Variants in OTOF observed in about 807,000 individuals in gnomAD.
OTOF encodes otoferlin, also known as fer-1-like family member 2.
OTOF carries 218 observed loss-of-function variants against 236.8 expected under a neutral mutation model. The observed-to-expected ratio is 0.92, with a 90% CI of 0.82 to 1.03. The LOEUF (loss-of-function observed/expected upper bound fraction) is 1.03. OTOF is among the 50% of genes least tolerant of loss of function. OTOF has a pLI of 0.00. For missense variants in OTOF, 2,590 were observed against 2,694.4 expected (o/e 0.96, Z 0.86); for synonymous variants, 1,041 against 1,072.5 (o/e 0.97, Z 0.57).
chr2:26,476,096 G>A (rs1321801040), intron 23 of OTOF, 32 bp downstream of exon 23: 5 of 1,611,502 alleles, frequency 3.1e-6, no homozygotes, highest in Non-Finnish European at 2.5e-6. Flanking sequence ...CCCCCTCCCA[G>A]GTGAGGCTTC....
intron 14 of OTOF, 147 bp downstream of exon 14, chr2:26,482,259 C>A: frequency 1.3e-6 from 1 of 742,054 alleles, no homozygotes; most frequent in Non-Finnish European, 2.3e-6. Flanking sequence ...CCCCCTGAGG[C>A]AGGGGCTGCT....
In OTOF at chr2:26,467,159, G is replaced by GC; in HGVS notation, c.4301dup (p.Lys1435GlnfsTer5). The GC allele has an allele frequency of 6.2e-7, 1 of 1,614,104 alleles. No individual in the cohort carries two copies. Among genetic ancestry groups the GC allele is most frequent in the Non-Finnish European group, 8.5e-7 (1 of 1,180,010 alleles). On this transcript the variant is annotated frameshift_variant, in exon 35 of 47. Transcript: ENST00000272371. LOFTEE classifies it high-confidence loss of function. The stretch of plus-strand genomic sequence containing the variant: ...AGCCATCCTCATCATCCCCGGTCTT[G>GC]CCCCGAAGCAAGTTGAAAGTGTGCA...
At chr2:26,516,645 A>G (rs1398869177) in intron 4 of OTOF, 46 bp from the exon 5 acceptor site, 2 of 1,582,500 alleles carry the variant, frequency 1.3e-6, no homozygotes, top group Admixed American at 1.7e-5. Flanking sequence ...GGTGACAGCA[A>G]TCTCCACCCC....
intron 5 of OTOF, among the ~76,000 whole-genome samples, chr2:26,515,583 TAA>T (rs1666503468): frequency 6.6e-6 from 1 of 152,190 alleles, no homozygotes; most frequent in African/African-American, 2.4e-5. Flanking sequence ...AGGGACTGAG[TAA>T]ACTTTACTTG....
chr2:26,543,835 G>A (rs993004380), intron 1 of OTOF, among the ~76,000 whole-genome samples: 1 of 152,176 alleles, frequency 6.6e-6, no homozygotes, highest in African/African-American at 2.4e-5. Context: ...TCCTGCATTA[G>A]CCTCCTAAGT....
chr2:26,550,244 G>A (rs905450955), intron 1 of OTOF, among the ~76,000 whole-genome samples: 1 of 152,134 alleles, frequency 6.6e-6, no homozygotes, highest in African/African-American at 2.4e-5. Context: ...GACAGAAAGC[G>A]GTCAAGCGGT....
intron 13 of OTOF, 131 bp from the exon 14 acceptor site, chr2:26,482,723 G>A (rs1228980268): frequency 1.4e-6 from 1 of 723,670 alleles, no homozygotes; most frequent in Admixed American, 2.3e-5. Flanking sequence ...GTGCATGCGT[G>A]TGTGAGTGGA....
Position 26,471,112 on chromosome 2 carries a change from C to T in OTOF, c.3894+9G>A, listed in dbSNP as rs1234044347. On this transcript the variant is annotated intron_variant, in intron 31 of 46. Transcript: ENST00000272371. ...CACCCCAGAGCCCCTGCATGGCCCC[C>T]ACACTCACCACATCCACCTTGACAA... is the stretch of plus-strand genomic sequence containing the variant. 1 of 1,614,102 alleles carries T rather than the reference C, an allele frequency of 6.2e-7. No homozygotes were observed. The highest frequency in any genetic ancestry group is 1.7e-5 in the Admixed American group (1 of 60,028).
rs778347252 is a variant in OTOF, at chr2:26,558,492, C to T, written c.79+1G>A. Reference sequence around the variant, plus strand: ...TCCCTCTGAGACAGCGGCTTCCCTACCTCGGAAAGTCACTTTGGCGATCCG... The same window carrying T: ...TCCCTCTGAGACAGCGGCTTCCCTATCTCGGAAAGTCACTTTGGCGATCCG... On this transcript the variant is annotated splice_donor_variant, in intron 1 of 46. Transcript: ENST00000272371. LOFTEE classifies it high-confidence loss of function. 5 of 1,613,620 alleles carry T rather than the reference C, an allele frequency of 3.1e-6. No homozygotes were observed. In the Admixed American group the frequency reaches 6.7e-5, roughly 22 times the overall value.
At chr2:26,504,617 C>A (rs573566394) in intron 5 of OTOF, among the ~76,000 whole-genome samples, 1 of 152,162 alleles carries the variant, frequency 6.6e-6, no homozygotes, top group Non-Finnish European at 1.5e-5. Context: ...TTGCTGCGAC[C>A]TTGTGCCCCC....
Position 26,461,411 on chromosome 2 carries a change from C to T in OTOF, c.5533+285G>A, listed in dbSNP as rs1400801905. Among the ~76,000 whole-genome samples, 1 of 152,200 alleles carries T rather than the reference C, an allele frequency of 6.6e-6. No homozygotes were observed. Among genetic ancestry groups the T allele is most frequent in the South Asian group, 2.1e-4 (1 of 4,830 alleles). ...CAACCTGAGGCCCAGGGAGGTTTCC[C>T]GACTCCCTTAGGGAGCCTCTCCCCT... On this transcript the variant is annotated intron_variant, in intron 43 of 46. Coordinates refer to ENST00000272371, the MANE Select transcript of OTOF (RefSeq NM_194248.3). This position sits in a 1 kb window ranked among gnomAD's most constrained non-coding sequence, Gnocchi z 6.2.
Position 26,479,496 on chromosome 2 carries a change from T to C in OTOF, c.2070A>G (p.Pro690=). The part of the protein sequence containing the change: ...GDLASVSSTP[P]MRPQVTDRNY... ...ACCTGTCGGTGACCTGGGGCCGCATTGGTGGAGTGGAGGAGACTGAGGCCA... is the reference window on the plus strand; with the variant it reads ...ACCTGTCGGTGACCTGGGGCCGCATCGGTGGAGTGGAGGAGACTGAGGCCA... Residue 690 remains proline, a synonymous_variant, in exon 17 of 47, where the codon CCA becomes CCG. Transcript: ENST00000272371. 6.2e-7 allele frequency: 1 copy of C among 1,602,614 alleles called. No homozygotes were observed. Among genetic ancestry groups the C allele is most frequent in the Non-Finnish European group, 8.5e-7 (1 of 1,175,516 alleles).
intron 13 of OTOF, 80 bp from the exon 14 acceptor site, chr2:26,482,672 TG>T (rs1223076444): frequency 1.9e-5 from 24 of 1,234,678 alleles, no homozygotes; most frequent in Non-Finnish European, 2.3e-5. Context: ...AGTGGGCGCA[TG>T]TGTGCGTGAG....
intron 2 of OTOF, 99 bp from the exon 3 acceptor site, chr2:26,528,019 G>T: frequency 3.5e-6 from 3 of 856,588 alleles, no homozygotes; most frequent in South Asian, 2.8e-5. Flanking sequence ...AACAGTCAGA[G>T]TGGCCCCTCA....
chr2:26,458,133 G>T lies in OTOF; in HGVS notation c.*105C>A. 6.2e-7 allele frequency: 1 copy of T among 1,614,160 alleles called. No homozygotes were observed. Among genetic ancestry groups the T allele is most frequent in the South Asian group, 1.1e-5 (1 of 91,088 alleles). On this transcript the variant is annotated 3_prime_UTR_variant, in exon 47 of 47. Coordinates refer to ENST00000272371, the MANE Select transcript of OTOF (RefSeq NM_194248.3). ...GCCCCAACAGCGCCAGCACGATCTT[G>T]ATGATGAGCCACTTGTACCGGGTGC...
intron 41 of OTOF, 72 bp downstream of exon 41, chr2:26,463,411 A>G: frequency 3.1e-6 from 4 of 1,275,270 alleles, no homozygotes; most frequent in Non-Finnish European, 4.5e-6. Context: ...CCCCCGCAGG[A>G]AGGGTTGGGC....
intron 1 of OTOF, among the ~76,000 whole-genome samples, chr2:26,553,526 T>C (rs1427462086): frequency 1.3e-5 from 2 of 152,162 alleles, no homozygotes; most frequent in Non-Finnish European, 2.9e-5. Context: ...GCTGCACTCA[T>C]TTCACCTCTG....
At chr2:26,555,969 C>G (rs1018605135) in intron 1 of OTOF, among the ~76,000 whole-genome samples, 12 of 152,166 alleles carry the variant, frequency 7.9e-5, no homozygotes, top group African/African-American at 2.7e-4. Flanking sequence ...TGGCAGAACC[C>G]AGGTAGGATC....
chr2:26,519,644 C>T (rs1014868934), intron 3 of OTOF, among the ~76,000 whole-genome samples: 13 of 152,180 alleles, frequency 8.5e-5, no homozygotes, highest in African/African-American at 2.4e-4. Flanking sequence ...AGAGGCGGTG[C>T]AATGCTTTGG....
Sources: gnomAD v4.1 joint callset for allele counts (sites outside exome capture counted in the v4.1 genomes callset) on GRCh38, gnomAD v4.1.1 for gene constraint, Gnocchi (gnomAD v3.1) non-coding constraint, MANE v1.5 for transcripts, NCBI Gene and HGNC (gene_info 2026-07-23, HGNC 2026-07-21) for gene names.